Variants in RAP1GAP observed in about 807,000 individuals in gnomAD.
RAP1GAP encodes RAP1 GTPase activating protein.
Under a neutral mutation model 87.2 loss-of-function variants are expected in RAP1GAP, and 35 were observed. The ratio of observed to expected loss-of-function variants is 0.40; its 90% CI spans 0.31 to 0.53. The LOEUF is 0.53. Among genes scored for constraint, RAP1GAP ranks in the 20% least tolerant of loss-of-function variants. The pLI is 0.48. For synonymous variants in RAP1GAP, 375 were observed against 363.9 expected, an observed-to-expected ratio of 1.03 and a Z score of -0.35; for missense variants, 734 against 898.9, an observed-to-expected ratio of 0.82 and a Z score of 2.35.
At chr1:21,664,992 A>G (rs889164380) in intron 1 of RAP1GAP, among the ~76,000 whole-genome samples, 2 of 152,132 alleles carry the variant, frequency 1.3e-5, no homozygotes, top group African/African-American at 4.8e-5. Flanking sequence ...AAGGCAGGTG[A>G]TTTTTCCAAA....
At chr1:21,624,798 G>GC (rs1027887259) in intron 3 of RAP1GAP, among the ~76,000 whole-genome samples, 4 of 151,932 alleles carry the variant, frequency 2.6e-5, no homozygotes, top group African/African-American at 9.7e-5. Context: ...ATCCGAGAAG[G>GC]CCAACCCCAG....
chr1:21,608,935 C>T lies in RAP1GAP; in HGVS notation c.1073G>A (p.Gly358Glu). 6.2e-7 allele frequency: 1 copy of T among 1,611,654 alleles called. No homozygotes were observed. Among genetic ancestry groups the T allele is most frequent in the Non-Finnish European group, 8.5e-7 (1 of 1,177,784 alleles). The change falls in exon 16 of 25, where the codon GGG becomes GAG. Residue 358 changes from glycine to glutamate, a missense_variant and splice_region_variant. Physicochemically the swap from Gly to Glu is moderately conservative, Grantham distance 98 (BLOSUM62 -2). Transcript: ENST00000374765. ...PLPDPAVFRKGPEFQEFLLTK... is the reference protein window; with the variant it reads ...PLPDPAVFRKEPEFQEFLLTK... ...CAGCAAAAATTCCTGGAACTCAGGC[C>T]CCTGGAAACTCCCAGTGTGGAGGAG...
chr1:21,629,435 G>A (rs1570982121), intron 2 of RAP1GAP, among the ~76,000 whole-genome samples: 1 of 152,204 alleles, frequency 6.6e-6, no homozygotes, highest in African/African-American at 2.4e-5. Flanking sequence ...TCATGTGGGT[G>A]CAGAACCAGA....
At chr1:21,605,657 C>A (rs1227934676) in intron 18 of RAP1GAP, among the ~76,000 whole-genome samples, 1 of 152,164 alleles carries the variant, frequency 6.6e-6, no homozygotes, top group Non-Finnish European at 1.5e-5. Context: ...TGCCCACAGC[C>A]CGACACACAG....
chr1:21,651,802 G>C, intron 1 of RAP1GAP: 1 of 1,345,054 alleles, frequency 7.4e-7, no homozygotes, highest in South Asian at 1.7e-5. Flanking sequence ...CGAAGGTGAA[G>C]CTGCGCTTCC....
chr1:21,610,106 C>T lies in RAP1GAP; in HGVS notation c.999+14G>A, dbSNP rs745802727. On this transcript the variant is annotated intron_variant, in intron 14 of 24. Coordinates refer to ENST00000374765, the MANE Select transcript of RAP1GAP (RefSeq NM_002885.4). ...CCCTTGCTGATGCCCCTGGGAGGCT[C>T]CAAGAGCGCCCACCTTGTAGAGGGG... 3.7e-6 allele frequency: 6 copies of T among 1,612,880 alleles called. No homozygotes were observed. Among genetic ancestry groups the T allele is most frequent in the Non-Finnish European group, 5.1e-6 (6 of 1,179,576 alleles).
At chr1:21,650,173 T>C (rs1309744822) in intron 1 of RAP1GAP, among the ~76,000 whole-genome samples, 3 of 151,928 alleles carry the variant, frequency 2.0e-5, no homozygotes, top group African/African-American at 4.8e-5. Flanking sequence ...CTAGGCAGGA[T>C]GGAAGTTTGC....
At chr1:21,640,530 AAT>A (rs369482249) in intron 2 of RAP1GAP, among the ~76,000 whole-genome samples, 5 of 152,286 alleles carry the variant, frequency 3.3e-5, no homozygotes, top group African/African-American at 9.6e-5. Context: ...TGAGTAGGGA[AAT>A]ATGTGTGTGT....
chr1:21,656,431 A>C (rs1270534), intron 1 of RAP1GAP, among the ~76,000 whole-genome samples: 32,068 of 116,894 alleles, frequency 0.27, 4,391 homozygotes, highest in East Asian at 0.48. Flanking sequence ...AAAAAAAAAA[A>C]AAAAAAAAAA....
chr1:21,652,765 C>T (rs1245086143), intron 1 of RAP1GAP, among the ~76,000 whole-genome samples: 2 of 152,170 alleles, frequency 1.3e-5, no homozygotes, highest in Non-Finnish European at 1.5e-5. Context: ...GCTGTTTCCC[C>T]CACCCAAGTG....
rs1203847247 is a variant in RAP1GAP at position 21,613,460 on chromosome 1, C to T, written c.474+168G>A. Reference sequence around the variant, plus strand: ...CAGGGGACGGGGGCCTAGGAGAACACGTGGCAGCCCAAGACACGATGGGAA... The same window carrying T: ...CAGGGGACGGGGGCCTAGGAGAACATGTGGCAGCCCAAGACACGATGGGAA... On this transcript the variant is annotated intron_variant, in intron 9 of 24. Transcript: ENST00000374765. The surrounding 1 kb of genome is among the most constrained non-coding windows in gnomAD (Gnocchi z 4.7). 6.6e-6 allele frequency among the ~76,000 whole-genome samples: 1 copy of T among 152,122 alleles called. No individual in the cohort carries two copies. The highest frequency in any genetic ancestry group is 1.9e-4 in the East Asian group (1 of 5,178).
chr1:21,617,253 G>A (rs1320816470), intron 7 of RAP1GAP, 53 bp downstream of exon 7: 1 of 1,538,242 alleles, frequency 6.5e-7, no homozygotes, highest in African/African-American at 1.4e-5. Flanking sequence ...CCTCGAATGG[G>A]GCTGAACTGT....
chr1:21,625,108 C>G (rs1160884176), intron 3 of RAP1GAP, among the ~76,000 whole-genome samples: 1 of 152,226 alleles, frequency 6.6e-6, no homozygotes, highest in African/African-American at 2.4e-5. Flanking sequence ...TCAGGAATCT[C>G]CTGCTGCTGC....
chr1:21,610,055 C>CA, intron 14 of RAP1GAP, 65 bp downstream of exon 14: 1 of 1,564,572 alleles, frequency 6.4e-7, no homozygotes, highest in Non-Finnish European at 8.7e-7. Context: ...AGGGGCATCC[C>CA]AGGGAGGGCA....
Position 21,603,967 on chromosome 1 carries a change from G to C in RAP1GAP, c.1429-1054C>G. The C allele has an allele frequency of 7.5e-7, 1 of 1,326,724 alleles. No individual in the cohort carries two copies. 82.2% of individuals were successfully genotyped at this position (1,326,724 alleles called of 1,614,324 possible). A position where few individuals can be genotyped will look rare whatever the true frequency, so the allele number is the denominator to read the frequency against. ...AGAGAGAGACAGAGAGAGAGTCAGA[G>C]AGCAAGAGAGATGGTGGGAGGGAGA... On this transcript the variant is annotated intron_variant, in intron 18 of 24. Transcript: ENST00000374765. This position sits in a 1 kb window ranked among gnomAD's most constrained non-coding sequence, Gnocchi z 6.0.
intron 4 of RAP1GAP, among the ~76,000 whole-genome samples, chr1:21,619,764 C>T (rs2085440874): frequency 6.6e-6 from 1 of 152,072 alleles, no homozygotes; most frequent in African/African-American, 2.4e-5. Flanking sequence ...GATGAACTGA[C>T]CCCAGCCCTG....
intron 2 of RAP1GAP, among the ~76,000 whole-genome samples, chr1:21,648,369 G>A (rs1055502103): frequency 2.0e-5 from 3 of 152,226 alleles, no homozygotes; most frequent in Admixed American, 2.0e-4. Context: ...CCTCCCTGTG[G>A]CCTGGTGGCC....
At chr1:21,643,325 C>T (rs1206700393) in intron 2 of RAP1GAP, among the ~76,000 whole-genome samples, 16 of 152,084 alleles carry the variant, frequency 1.1e-4, no homozygotes, top group East Asian at 1.9e-4. Flanking sequence ...CTTGGGAGGC[C>T]GAGACGGGCG....
chr1:21,618,771 C>T (rs937250255), intron 5 of RAP1GAP, among the ~76,000 whole-genome samples: 29 of 152,044 alleles, frequency 1.9e-4, no homozygotes, highest in African/African-American at 6.0e-4. Flanking sequence ...CAGTGAAGAC[C>T]GAGAGGAGGA....
Sources: gnomAD v4.1 joint callset for allele counts (sites outside exome capture counted in the v4.1 genomes callset) on GRCh38, gnomAD v4.1.1 for gene constraint, Gnocchi (gnomAD v3.1) non-coding constraint, MANE v1.5 for transcripts, NCBI Gene and HGNC (gene_info 2026-07-23, HGNC 2026-07-21) for gene names.